RPGRIP1: variants seen among roughly 807,000 people sequenced by gnomAD.
The protein encoded by RPGRIP1 is X-linked retinitis pigmentosa GTPase regulator-interacting protein 1.
Under a neutral mutation model 157.9 loss-of-function variants are expected in RPGRIP1, and 128 were observed. That is an observed-to-expected ratio of 0.81 (90% CI 0.70 to 0.94). The LOEUF is 0.94. RPGRIP1 is among the 40% of genes least tolerant of loss of function. The probability of loss-of-function intolerance (pLI) is 0.00; values close to 1 mark genes in which losing one functional copy is unlikely to be tolerated. For missense variants in RPGRIP1, 1,486 were observed against 1,545.8 expected (o/e 0.96, Z 0.65); for synonymous variants, 554 against 571.6 (o/e 0.97, Z 0.44).
Position 21,281,707 on chromosome 14 carries a change from T to A in RPGRIP1, c.-39+1548T>A, listed in dbSNP as rs867782333. Among the ~76,000 whole-genome samples, 1,175 of 126,902 alleles carry A rather than the reference T, an allele frequency of 9.3e-3. 21 individuals carry two copies. Among genetic ancestry groups the A allele is most frequent in the African/African-American group, 0.039 (1,049 of 26,940 alleles). The allele number at this position is 126,902 out of a possible 152,430, so 83.3% of individuals were successfully genotyped here. A position where few individuals can be genotyped will look rare whatever the true frequency, so the allele number is the denominator to read the frequency against. On this transcript the variant is annotated intron_variant, in intron 1 of 24. Coordinates refer to ENST00000400017, the MANE Select transcript of RPGRIP1 (RefSeq NM_020366.4). ...TTGTCTCAAAAAAAAAAAAAATAAA[T>A]AATAATAATAATAATAATAATAATA...
At chr14:21,302,651 G>A in intron 5 of RPGRIP1, 67 bp downstream of exon 5, 1 of 992,032 alleles carries the variant, frequency 1.0e-6, no homozygotes, top group East Asian at 2.7e-5. Context: ...ATCATTTAGG[G>A]AACAAATGAA....
intron 12 of RPGRIP1, 82 bp downstream of exon 12, chr14:21,320,259 A>T: frequency 8.1e-7 from 1 of 1,241,262 alleles, no homozygotes; most frequent in Non-Finnish European, 1.1e-6. Context: ...TGAGATTAGA[A>T]AACTAACTAA....
chr14:21,307,906 C>T, intron 7 of RPGRIP1, 70 bp downstream of exon 7: 1 of 835,534 alleles, frequency 1.2e-6, no homozygotes, highest in Non-Finnish European at 1.9e-6. Flanking sequence ...ATATTATTTT[C>T]TCCATTTTAA....
At chr14:21,350,699 C>T (rs1335778081) in intron 24 of RPGRIP1, among the ~76,000 whole-genome samples, 3 of 152,264 alleles carry the variant, frequency 2.0e-5, no homozygotes, top group East Asian at 1.9e-4. Context: ...GATTAAGGGG[C>T]TTAGGGTAGT....
intron 16 of RPGRIP1, 89 bp from the exon 17 acceptor site, chr14:21,325,742 C>A: frequency 1.0e-6 from 1 of 960,248 alleles, no homozygotes. Context: ...TTCTCTAGAT[C>A]ATAGCTCTTC....
At chr14:21,294,888 A>G in intron 3 of RPGRIP1, 79 bp downstream of exon 3, 5 of 1,210,736 alleles carry the variant, frequency 4.1e-6, no homozygotes, top group Non-Finnish European at 5.3e-6. Flanking sequence ...TCTGTTGCCC[A>G]GGCTGGAATG....
At chr14:21,304,708 T>C (rs1314433628) in intron 6 of RPGRIP1, among the ~76,000 whole-genome samples, 4 of 152,138 alleles carry the variant, frequency 2.6e-5, no homozygotes, top group Non-Finnish European at 5.9e-5. Context: ...ACCAGAGTGG[T>C]GCATTTGTTA....
intron 7 of RPGRIP1, among the ~76,000 whole-genome samples, chr14:21,309,578 T>A (rs1881461815): frequency 6.6e-6 from 1 of 152,000 alleles, no homozygotes; most frequent in South Asian, 2.1e-4. Flanking sequence ...ACTAAAAGAT[T>A]AGCTTGTGTT....
At chr14:21,306,446 A>G (rs1016101510) in intron 6 of RPGRIP1, among the ~76,000 whole-genome samples, 1 of 148,910 alleles carries the variant, frequency 6.7e-6, no homozygotes, top group Non-Finnish European at 1.5e-5. Flanking sequence ...TCTTCTTTCT[A>G]TTATTTTATT....
Position 21,307,790 on chromosome 14 carries a change from A to G in RPGRIP1, c.860A>G (p.Asn287Ser), listed in dbSNP as rs937927408. The change falls in exon 7 of 25, where the codon AAT becomes AGT. Residue 287 changes from asparagine (N) to serine (S), a missense_variant. Asn to Ser is a conservative substitution (Grantham distance 46, BLOSUM62 1). Coordinates refer to ENST00000400017, the MANE Select transcript of RPGRIP1 (RefSeq NM_020366.4). ...CTTAAGAAGCTCTTACATGAAAGAAATGCTTCATTGGTTATGACAAAAGCA... is the reference window on the plus strand; with the variant it reads ...CTTAAGAAGCTCTTACATGAAAGAAGTGCTTCATTGGTTATGACAAAAGCA... ...IRLKKLLHER[N>S]ASLVMTKAQL... 6.4e-6 allele frequency: 10 copies of G among 1,570,324 alleles called. No individual in the cohort carries two copies. The highest frequency in any genetic ancestry group is 8.6e-6 in the Non-Finnish European group (10 of 1,157,442).
At position 21,349,037 on chromosome 14, in the gene RPGRIP1, C is replaced by CT. The variant is rs1339296508; in HGVS notation, c.3748+737dup. On this transcript the variant is annotated intron_variant, in intron 24 of 24. Transcript: ENST00000400017. ...TGGTCATTAAGTCTTATCCATTCTA[C>CT]TTGTGAATTGACTATGCTCTCCTTA... 2.0e-5 allele frequency among the ~76,000 whole-genome samples: 3 copies of CT among 146,474 alleles called. No homozygotes were observed. The Admixed American group carries it at 2.1e-4, about 10-fold the overall frequency.
intron 6 of RPGRIP1, among the ~76,000 whole-genome samples, chr14:21,304,393 AAGAAAG>A (rs760391167): frequency 0.18 from 10,672 of 59,912 alleles, 508 homozygotes; most frequent in Middle Eastern, 0.32. Context: ...GAGAGAGAGA[AAGAAAG>A]AAAGAAAGAA....
In RPGRIP1 at chr14:21,345,206, CT is replaced by C. The variant is rs1566368841; in HGVS notation, c.3617+10del. On this transcript the variant is annotated intron_variant, in intron 23 of 24. Transcript: ENST00000400017. ...GATCCTGATCAAGGACAGTAAGCAT[CT>C]GCTTTCCACTTTGAAACAAAGGAGA... is the stretch of plus-strand genomic sequence containing the variant. The C allele has an allele frequency of 1.9e-6, 3 of 1,597,062 alleles. No homozygotes were observed. Among genetic ancestry groups the C allele is most frequent in the Non-Finnish European group, 2.6e-6 (3 of 1,167,446 alleles).
chr14:21,301,722 TAAA>T (rs34757630), intron 4 of RPGRIP1, among the ~76,000 whole-genome samples: 21,081 of 74,662 alleles, frequency 0.28, 2,084 homozygotes, highest in African/African-American at 0.38. Flanking sequence ...ATAATAATAA[TAAA>T]AAATTAGCCA....
At chr14:21,341,067 A>C (rs961579160) in intron 21 of RPGRIP1, among the ~76,000 whole-genome samples, 1 of 151,274 alleles carries the variant, frequency 6.6e-6, no homozygotes, top group African/African-American at 2.4e-5. Flanking sequence ...GTTTTTTGAG[A>C]CCCAGTCTCA....
At chr14:21,289,276 C>T (rs1034147600) in intron 2 of RPGRIP1, among the ~76,000 whole-genome samples, 2 of 151,966 alleles carry the variant, frequency 1.3e-5, no homozygotes, top group Non-Finnish European at 2.9e-5. Flanking sequence ...TGCAGTGAGC[C>T]GAGATCGCAC....
Position 21,317,759 on chromosome 14 carries a change from GC to G in RPGRIP1, c.1216del (p.Leu406TyrfsTer36), listed in dbSNP as rs1439947338. 1.9e-6 allele frequency: 3 copies of G among 1,595,826 alleles called. No individual in the cohort carries two copies. The highest frequency in any genetic ancestry group is 2.6e-6 in the Non-Finnish European group (3 of 1,171,198). ...GGAGCAACGAGCTCATAGCGGAACA[GC>G]TACAGCAGCAAGTCTCTCAGCTGCA... ...HWSNELIAEQ[L>X]QQQVSQLQDQ... On this transcript the variant is annotated frameshift_variant, in exon 11 of 25. Coordinates refer to ENST00000400017, the MANE Select transcript of RPGRIP1 (RefSeq NM_020366.4). LOFTEE classifies it high-confidence loss of function.
chr14:21,302,632 T>C, intron 5 of RPGRIP1, 48 bp downstream of exon 5: 1 of 1,138,894 alleles, frequency 8.8e-7, no homozygotes, highest in Middle Eastern at 2.0e-4. Flanking sequence ...CCACTTTAAT[T>C]AGAAAGACAT....
chr14:21,289,014 C>G (rs1046690083), intron 2 of RPGRIP1, among the ~76,000 whole-genome samples: 2 of 152,122 alleles, frequency 1.3e-5, no homozygotes, highest in Non-Finnish European at 2.9e-5. Flanking sequence ...CCTACCAGAG[C>G]TTCTTCCACA....
Sources: gnomAD v4.1 joint callset for allele counts (sites outside exome capture counted in the v4.1 genomes callset) on GRCh38, gnomAD v4.1.1 for gene constraint, MANE v1.5 for transcripts, NCBI Gene and HGNC (gene_info 2026-07-23, HGNC 2026-07-21) for gene names.